FAM209B: variants seen among roughly 807,000 people sequenced by gnomAD.
FAM209B encodes the protein family with sequence similarity 209 member B.
In FAM209B, 8 loss-of-function variants were observed where a neutral mutation model predicts 8.9. The ratio of observed to expected loss-of-function variants is 0.90; its 90% CI spans 0.53 to 1.62. The LOEUF is 1.62. Ranked by LOEUF, FAM209B falls within the 40% of genes most tolerant of loss-of-function variation. The probability of loss-of-function intolerance (pLI) is 0.00; values close to 1 mark genes in which losing one functional copy is unlikely to be tolerated. For missense variants in FAM209B, 175 were observed against 205.3 expected (o/e 0.85, Z 0.90); for synonymous variants, 67 against 75.0 (o/e 0.89, Z 0.55).
At chr20:56,535,299 G>C (rs1985933161) in intron 1 of FAM209B, among the ~76,000 whole-genome samples, 1 of 151,514 alleles carries the variant, frequency 6.6e-6, no homozygotes, top group South Asian at 2.1e-4. Context: ...CATAAGAGTT[G>C]CTTGAACCCC....
chr20:56,535,318 G>A (rs1294709154), intron 1 of FAM209B, among the ~76,000 whole-genome samples: 1 of 151,500 alleles, frequency 6.6e-6, no homozygotes, highest in East Asian at 2.0e-4. Flanking sequence ...CCGGCCGGGG[G>A]TGGTGGCTCA....
At position 56,533,439 on chromosome 20, in the gene FAM209B, A is replaced by C. The variant is rs910526081; in HGVS notation, c.98A>C (p.Gln33Pro). The change falls in exon 1 of 2, where the codon CAG (glutamine) becomes CCG (proline). Residue 33 changes from glutamine (Q) to proline (P), a missense_variant. By Grantham distance (76) the Gln-to-Pro change is moderately conservative. This residue lies in a region of FAM209B where 166 missense variants were observed against 174.5 expected (regional missense o/e 0.95). Coordinates refer to ENST00000371325, the MANE Select transcript of FAM209B (RefSeq NM_001013646.4). ...CTGAGACAGAAAACTAGCGAACCCC[A>C]GGGGAAGGTGCCGTGTGGAGAGCAC... ...SSLRQKTSEP[Q>P]GKVPCGEHFR... The C allele has an allele frequency of 6.8e-6, 11 of 1,611,446 alleles. No individual in the cohort carries two copies. The highest frequency in any genetic ancestry group is 9.3e-6 in the Non-Finnish European group (11 of 1,177,836).
In FAM209B at chr20:56,536,216, A is replaced by T. The variant is rs1463574360; in HGVS notation, c.294A>T (p.Pro98=). Residue 98 remains proline (P), a synonymous_variant, in exon 2 of 2, where the codon CCA becomes CCT. Transcript: ENST00000371325. The part of the protein sequence containing the change: ...PGLRGFPFRT[P]LKKNQNASLY... The stretch of plus-strand genomic sequence containing the variant: ...TTCGAGGCTTCCCATTTCGCACTCC[A>T]CTAAAGAAAAATCAAAATGCTTCTC... 4 of 1,589,740 alleles carry T rather than the reference A, an allele frequency of 2.5e-6. No individual in the cohort carries two copies. Among genetic ancestry groups the T allele is most frequent in the Non-Finnish European group, 3.4e-6 (4 of 1,167,438 alleles).
chr20:56,536,143 T>A, intron 1 of FAM209B, 29 bp from the exon 2 acceptor site: 1 of 1,505,544 alleles, frequency 6.6e-7, no homozygotes. Flanking sequence ...GTCCATGATA[T>A]TATTGACCTT....
rs542100882 is a variant in FAM209B, at chr20:56,533,577, G to A, written c.236G>A (p.Ser79Asn). Residue 79 changes from serine (S) to asparagine (N), a missense_variant, in exon 1 of 2, where the codon AGT (serine) becomes AAT (asparagine). By Grantham distance (46) the Ser-to-Asn change is conservative. Transcript: ENST00000371325. ...GTGATACTGCAGTGTCAAAGAGACA[G>A]TGAGAAGAATAAGGTAAGGATGGCT... ...PFVILQCQRD[S>N]EKNKEQSPPG... is the part of the protein sequence containing the mutation. 12 of 1,614,140 alleles carry A rather than the reference G, an allele frequency of 7.4e-6. No homozygotes were observed. The highest frequency in any genetic ancestry group is 6.7e-5 in the East Asian group (3 of 44,876).
rs761920129 is a variant in FAM209B at position 56,536,459 on chromosome 20, A to G, written c.*21A>G. ...GCTGAATGGATTTGTGTGTCAGGAG[A>G]GAAAAAAGTTGAGTGTTGACAAACT... On this transcript the variant is annotated 3_prime_UTR_variant, in exon 2 of 2. Coordinates refer to ENST00000371325, the MANE Select transcript of FAM209B (RefSeq NM_001013646.4). 226 of 1,549,968 alleles carry G rather than the reference A, an allele frequency of 1.5e-4. No individual in the cohort carries two copies. Among genetic ancestry groups the G allele is most frequent in the Non-Finnish European group, 1.9e-4 (216 of 1,148,386 alleles).
Position 56,536,273 on chromosome 20 carries a change from C to G in FAM209B, c.351C>G (p.Asn117Lys). ...AAGACTGTGTATTCAATACCTTAAA[C>G]GAACTTGAAGTGGAGCTTTTGAAAT... ...LYKDCVFNTL[N>K]ELEVELLKFV... The change falls in exon 2 of 2, where the codon AAC (asparagine) becomes AAG (lysine). Residue 117 changes from asparagine (N) to lysine (K), a missense_variant. By Grantham distance (94) the Asn-to-Lys change is moderately conservative. This residue lies in a region of FAM209B where 166 missense variants were observed against 174.5 expected (regional missense o/e 0.95). Transcript: ENST00000371325. 6.2e-7 allele frequency: 1 copy of G among 1,613,228 alleles called. No individual in the cohort carries two copies. Among genetic ancestry groups the G allele is most frequent in the African/African-American group, 1.3e-5 (1 of 74,980 alleles).
intron 1 of FAM209B, among the ~76,000 whole-genome samples, chr20:56,534,201 A>C (rs557332407): frequency 1.3e-5 from 2 of 152,282 alleles, no homozygotes; most frequent in Admixed American, 6.5e-5. Flanking sequence ...TATATTATTC[A>C]CAGGGCCAAA....
intron 1 of FAM209B, among the ~76,000 whole-genome samples, chr20:56,535,200 C>T (rs1041562180): frequency 1.7e-3 from 235 of 142,414 alleles, no homozygotes; most frequent in African/African-American, 5.8e-3. Flanking sequence ...CCAGCCTGGG[C>T]GACAAAGTGA....
At position 56,536,266 on chromosome 20, in the gene FAM209B, C is replaced by T. The variant is rs769570033; in HGVS notation, c.344C>T (p.Thr115Ile). The T allele has an allele frequency of 1.2e-6, 2 of 1,613,036 alleles. No homozygotes were observed. The highest frequency in any genetic ancestry group is 1.7e-6 in the Non-Finnish European group (2 of 1,179,692). ...ASLYKDCVFN[T>I]LNELEVELLK... ...CTTTACAAAGACTGTGTATTCAATA[C>T]CTTAAACGAACTTGAAGTGGAGCTT... The change falls in exon 2 of 2, where the codon ACC becomes ATC. Residue 115 changes from threonine (T) to isoleucine (I), a missense_variant. Transcript: ENST00000371325.
Position 56,536,079 on chromosome 20 carries a change from C to A in FAM209B, c.250-93C>A, listed in dbSNP as rs1600856980. 3.4e-6 allele frequency: 4 copies of A among 1,183,314 alleles called. No homozygotes were observed. In the East Asian group the frequency reaches 1.0e-4, roughly 29 times the overall value. 73.3% of individuals were successfully genotyped at this position (1,183,314 alleles called of 1,614,324 possible). A position where few individuals can be genotyped will look rare whatever the true frequency, so the allele number is the denominator to read the frequency against. The stretch of plus-strand genomic sequence containing the variant: ...TGCCTGCACTCGAGCACTGCTAGAA[C>A]CATCTTTTCTTAAATGAGCCCAACT... On this transcript the variant is annotated intron_variant, in intron 1 of 1. Transcript: ENST00000371325.
At chr20:56,536,087 T>A in intron 1 of FAM209B, 85 bp from the exon 2 acceptor site, 2 of 1,257,120 alleles carry the variant, frequency 1.6e-6, no homozygotes, top group Non-Finnish European at 2.2e-6. Context: ...AACCATCTTT[T>A]CTTAAATGAG....
intron 1 of FAM209B, among the ~76,000 whole-genome samples, chr20:56,534,939 C>G (rs992615940): frequency 2.0e-5 from 3 of 151,564 alleles, no homozygotes; most frequent in African/African-American, 7.3e-5. Context: ...ATCCCAGCTA[C>G]TCGGGAGGCT....
At chr20:56,536,141 T>C in intron 1 of FAM209B, 31 bp from the exon 2 acceptor site, 1 of 1,502,206 alleles carries the variant, frequency 6.7e-7, no homozygotes. Flanking sequence ...AAGTCCATGA[T>C]ATTATTGACC....
chr20:56,536,405 C>A lies in FAM209B; in HGVS notation c.483C>A (p.Ile161=). Reference sequence around the variant, plus strand: ...CTGCAGATCCATACCATGTCACAATCTGTAAAATATGGGGAGAAGAAAGCT... The same window carrying A: ...CTGCAGATCCATACCATGTCACAATATGTAAAATATGGGGAGAAGAAAGCT... ...EMPADPYHVT[I]CKIWGEESSS Residue 161 remains isoleucine (I), a synonymous_variant, in exon 2 of 2, where the codon ATC becomes ATA. Transcript: ENST00000371325. 1 of 1,608,446 alleles carries A rather than the reference C, an allele frequency of 6.2e-7. No individual in the cohort carries two copies. Among genetic ancestry groups the A allele is most frequent in the Non-Finnish European group, 8.5e-7 (1 of 1,177,820 alleles).
At chr20:56,534,603 C>T (rs980188947) in intron 1 of FAM209B, among the ~76,000 whole-genome samples, 32 of 151,668 alleles carry the variant, frequency 2.1e-4, no homozygotes, top group Admixed American at 1.3e-3. Context: ...CAAAACCTAG[C>T]TGGGCGTAGT....
At chr20:56,534,160 G>C (rs1157605563) in intron 1 of FAM209B, among the ~76,000 whole-genome samples, 1 of 152,022 alleles carries the variant, frequency 6.6e-6, no homozygotes. Context: ...TCAAAATAAA[G>C]AACTTATGGT....
chr20:56,535,427 A>AT (rs1985941780), intron 1 of FAM209B, among the ~76,000 whole-genome samples: 1 of 151,196 alleles, frequency 6.6e-6, no homozygotes, highest in Non-Finnish European at 1.5e-5. Flanking sequence ...CCCTGTCTCT[A>AT]CAAAAATACA....
chr20:56,533,674 G>A (rs1985859826), intron 1 of FAM209B, 84 bp downstream of exon 1: 18 of 1,566,092 alleles, frequency 1.1e-5, no homozygotes, highest in Admixed American at 8.8e-5. Context: ...GAGTCTAGGC[G>A]GCACCGTTGG....
Sources: gnomAD v4.1 joint callset for allele counts (sites outside exome capture counted in the v4.1 genomes callset) on GRCh38, gnomAD v4.1.1 for gene constraint, gnomAD v4.1.1 regional missense constraint, MANE v1.5 for transcripts, NCBI Gene and HGNC (gene_info 2026-07-23, HGNC 2026-07-21) for gene names.